Variants in MBOAT1 observed in about 807,000 individuals in gnomAD.
MBOAT1 encodes membrane-bound glycerophospholipid O-acyltransferase 1.
In MBOAT1, 67 loss-of-function variants were observed where a neutral mutation model predicts 64.4. That is an observed-to-expected ratio of 1.04 (90% CI 0.85 to 1.27). The LOEUF is 1.27. Among genes scored for constraint, MBOAT1 ranks in the 50% most tolerant of loss-of-function variants. The pLI, the probability that MBOAT1 is intolerant of heterozygous loss-of-function variation, is 0.00. For synonymous variants in MBOAT1, 229 were observed against 218.9 expected (o/e 1.05, Z -0.41); for missense variants, 563 against 604.6 (o/e 0.93, Z 0.72).
At chr6:20,122,036 G>A (rs545943064) in intron 8 of MBOAT1, among the ~76,000 whole-genome samples, 26 of 152,054 alleles carry the variant, frequency 1.7e-4, no homozygotes, top group African/African-American at 6.0e-4. Context: ...GTGGTGGTAG[G>A]CACCTGTAAT....
Position 20,115,348 on chromosome 6 carries a change from G to C in MBOAT1, c.1016C>G (p.Ala339Gly). The change falls in exon 10 of 13, where the codon GCC becomes GGC. Residue 339 changes from alanine to glycine, a missense_variant. Coordinates refer to ENST00000324607, the MANE Select transcript of MBOAT1 (RefSeq NM_001080480.3). Reference protein sequence around the residue: ...SNLNIWKIETATSFKMYLENW... With the variant: ...SNLNIWKIETGTSFKMYLENW... ...TTCCAAGTACATTTTGAAACTTGTG[G>C]CAGTCTGGAAAGAAGAAAATAACAC... is the stretch of plus-strand genomic sequence containing the variant. The C allele has an allele frequency of 1.2e-6, 2 of 1,613,314 alleles. No individual in the cohort carries two copies. The highest frequency in any genetic ancestry group is 1.7e-6 in the Non-Finnish European group (2 of 1,179,328).
intron 10 of MBOAT1, among the ~76,000 whole-genome samples, chr6:20,114,128 T>G (rs1760252792): frequency 6.6e-6 from 1 of 152,208 alleles, no homozygotes; most frequent in Non-Finnish European, 1.5e-5. Flanking sequence ...TCAAGATGAC[T>G]ATGTTCAGAT....
chr6:20,205,660 A>G (rs1432051985), intron 1 of MBOAT1, among the ~76,000 whole-genome samples: 1 of 152,186 alleles, frequency 6.6e-6, no homozygotes, highest in Admixed American at 6.5e-5. Context: ...CAACTCCACC[A>G]GGCCTGTCCT....
intron 11 of MBOAT1, among the ~76,000 whole-genome samples, chr6:20,111,100 T>G (rs1488701415): frequency 6.6e-6 from 1 of 152,168 alleles, no homozygotes; most frequent in Non-Finnish European, 1.5e-5. Flanking sequence ...AACTGAGACT[T>G]AGGTAAAGAG....
rs1761554485 is a variant in MBOAT1 at position 20,152,705 on chromosome 6, C to T, written c.164G>A (p.Arg55His). ...FAAFWFRIYL[R>H]PGTTSSDVRH... ...GACATCAGAGCTGGTTGTACCAGGA[C>T]GTAAGTAGATGCGAAACCAGAAAGC... The change falls in exon 2 of 13, where the codon CGT becomes CAT. Residue 55 changes from arginine to histidine, a missense_variant. By Grantham distance (29) the Arg-to-His change is conservative. Coordinates refer to ENST00000324607, the MANE Select transcript of MBOAT1 (RefSeq NM_001080480.3). 14 of 1,611,996 alleles carry T rather than the reference C, an allele frequency of 8.7e-6. No individual in the cohort carries two copies. The highest frequency in any genetic ancestry group is 1.3e-5 in the African/African-American group (1 of 74,756).
intron 1 of MBOAT1, among the ~76,000 whole-genome samples, chr6:20,194,419 T>C (rs9460468): frequency 0.16 from 24,476 of 152,126 alleles, 2,993 homozygotes; most frequent in African/African-American, 0.34. Context: ...TTCTCAGAAT[T>C]TTCTTGTTTT....
intron 1 of MBOAT1, among the ~76,000 whole-genome samples, chr6:20,164,535 A>C (rs1016040689): frequency 6.6e-6 from 1 of 152,244 alleles, no homozygotes; most frequent in African/African-American, 2.4e-5. Context: ...CACTGGAATC[A>C]ACCAAAGATC....
In MBOAT1 at chr6:20,115,272, T is replaced by C. The variant is rs1337433168; in HGVS notation, c.1076+16A>G. ...CCCAGTGCCCTAAGTAATGAGGTCG[T>C]TTTTGTTTTTCTTACCACTTTAGCC... On this transcript the variant is annotated intron_variant, in intron 10 of 12. Transcript: ENST00000324607. 6.2e-7 allele frequency: 1 copy of C among 1,605,950 alleles called. No homozygotes were observed. Among genetic ancestry groups the C allele is most frequent in the Admixed American group, 1.7e-5 (1 of 60,014 alleles).
intron 4 of MBOAT1, among the ~76,000 whole-genome samples, chr6:20,141,446 C>T (rs1761174992): frequency 6.7e-6 from 1 of 150,270 alleles, no homozygotes; most frequent in Admixed American, 6.7e-5. Flanking sequence ...ATTGCAGCCC[C>T]AGTCTCAGGC....
intron 1 of MBOAT1, among the ~76,000 whole-genome samples, chr6:20,161,658 GA>G (rs1761865466): frequency 6.6e-6 from 1 of 152,142 alleles, no homozygotes; most frequent in African/African-American, 2.4e-5. Context: ...TACACAGGAG[GA>G]AAATGAAGAA....
At chr6:20,123,824 G>A (rs2457329) in intron 8 of MBOAT1, among the ~76,000 whole-genome samples, 2,255 of 152,166 alleles carry the variant, frequency 0.015, 57 homozygotes, top group African/African-American at 0.05. Context: ...TGGGAGGCCA[G>A]GGCGGGCAGA....
At chr6:20,135,955 C>T (rs1760978217) in intron 4 of MBOAT1, among the ~76,000 whole-genome samples, 5 of 152,174 alleles carry the variant, frequency 3.3e-5, no homozygotes, top group African/African-American at 1.2e-4. Context: ...ACCTGCAGCT[C>T]GGACCTGGTA....
At chr6:20,202,599 T>C (rs1202576600) in intron 1 of MBOAT1, among the ~76,000 whole-genome samples, 1 of 148,842 alleles carries the variant, frequency 6.7e-6, no homozygotes, top group African/African-American at 2.4e-5. Flanking sequence ...AAATGATTTA[T>C]CAAGGGCTTT....
At chr6:20,154,755 G>A (rs1261817981) in intron 1 of MBOAT1, among the ~76,000 whole-genome samples, 1 of 152,098 alleles carries the variant, frequency 6.6e-6, no homozygotes, top group Admixed American at 6.5e-5. Context: ...AATGTATATA[G>A]AAAAAGAATC....
rs896138515 is a variant in MBOAT1 at position 20,102,234 on chromosome 6, C to T, written c.*52G>A. The T allele has an allele frequency of 1.3e-6, 2 of 1,571,584 alleles. No homozygotes were observed. The highest frequency in any genetic ancestry group is 1.7e-6 in the Non-Finnish European group (2 of 1,156,142). ...GGAGGAGCCCTTGAAGCCTTGTCAT[C>T]TCATCTTTCGAACGTTCTGCAGTTT... On this transcript the variant is annotated 3_prime_UTR_variant, in exon 13 of 13. Coordinates refer to ENST00000324607, the MANE Select transcript of MBOAT1 (RefSeq NM_001080480.3).
At chr6:20,199,901 G>A (rs1763071524) in intron 1 of MBOAT1, among the ~76,000 whole-genome samples, 1 of 152,156 alleles carries the variant, frequency 6.6e-6, no homozygotes, top group African/African-American at 2.4e-5. Flanking sequence ...CCAGAGGGCG[G>A]AGGTTGCAGT....
intron 12 of MBOAT1, among the ~76,000 whole-genome samples, chr6:20,106,470 T>C (rs1759959708): frequency 6.6e-6 from 1 of 152,158 alleles, no homozygotes; most frequent in South Asian, 2.1e-4. Context: ...TCACTCAAGC[T>C]GGAGTGCAAT....
intron 3 of MBOAT1, among the ~76,000 whole-genome samples, chr6:20,149,100 CAAAAA>C (rs60045654): frequency 4.4e-5 from 4 of 91,784 alleles, no homozygotes; most frequent in Middle Eastern, 6.3e-3. Flanking sequence ...GACTCTGTCT[CAAAAA>C]AAAAAAAAAA....
chr6:20,206,112 G>T (rs62397953), intron 1 of MBOAT1, among the ~76,000 whole-genome samples: 11,204 of 151,946 alleles, frequency 0.074, 419 homozygotes, highest in African/African-American at 0.088. Flanking sequence ...CGACAGCAAA[G>T]CCAAGGTCAG....
Sources: allele counts gnomAD v4.1 joint callset (sites outside exome capture counted in the v4.1 genomes callset), GRCh38; gene constraint gnomAD v4.1.1; transcripts MANE v1.5; gene names NCBI Gene and HGNC (gene_info 2026-07-23, HGNC 2026-07-21).